The following KCNIP1 variants were observed in gnomAD, a reference collection of about 807,000 sequenced individuals.
KCNIP1 encodes the protein A-type potassium channel modulatory protein KCNIP1.
A neutral mutation model predicts 33.0 loss-of-function variants in KCNIP1; 18 were observed. That is an observed-to-expected ratio of 0.55 (90% CI 0.38 to 0.81). The LOEUF (loss-of-function observed/expected upper bound fraction) is 0.81, where lower values mean the gene tolerates loss of function less well. Among genes scored for constraint, KCNIP1 ranks in the 30% least tolerant of loss-of-function variants. The pLI is 0.00. For synonymous variants in KCNIP1, 93 were observed against 98.3 expected (o/e 0.95, Z 0.32); for missense variants, 238 against 271.6 (o/e 0.88, Z 0.87).
upstream of KCNIP1, among the ~76,000 whole-genome samples, chr5:170,503,008 T>G (rs746473358): frequency 1.3e-5 from 2 of 152,084 alleles, no homozygotes; most frequent in Non-Finnish European, 2.9e-5. Context: ...CTTCAAGCAC[T>G]AACAACCCGT....
intron 1 of KCNIP1, among the ~76,000 whole-genome samples, chr5:170,487,535 T>G (rs923694657): frequency 1.3e-5 from 2 of 151,878 alleles, no homozygotes; most frequent in Non-Finnish European, 2.9e-5. Flanking sequence ...TTTTTTTTTT[T>G]TTTTAAGACA....
chr5:170,474,859 T>A (rs1756816919), intron 1 of KCNIP1, among the ~76,000 whole-genome samples: 1 of 152,130 alleles, frequency 6.6e-6, no homozygotes, highest in East Asian at 1.9e-4. Flanking sequence ...CAGCAAGATT[T>A]TTTGTGAAGA....
At chr5:170,390,224 G>C (rs941273330) in intron 1 of KCNIP1, among the ~76,000 whole-genome samples, 1 of 152,126 alleles carries the variant, frequency 6.6e-6, no homozygotes, top group African/African-American at 2.4e-5. Flanking sequence ...CAGCAACAAA[G>C]GGCAGGCACA....
At chr5:170,700,959 CACA>C (rs1404388439) in intron 1 of KCNIP1, among the ~76,000 whole-genome samples, 3 of 152,316 alleles carry the variant, frequency 2.0e-5, no homozygotes, top group South Asian at 4.1e-4. Context: ...TTACAATAAA[CACA>C]ACAACAAAAC....
At chr5:170,664,560 T>G (rs10042719) in intron 1 of KCNIP1, among the ~76,000 whole-genome samples, 2 of 151,920 alleles carry the variant, frequency 1.3e-5, no homozygotes, top group African/African-American at 4.8e-5. Flanking sequence ...ATCCACCCGC[T>G]TCAGCCTTTC....
chr5:170,722,106 G>A (rs1455402392), intron 4 of KCNIP1, among the ~76,000 whole-genome samples: 1 of 152,154 alleles, frequency 6.6e-6, no homozygotes, highest in Non-Finnish European at 1.5e-5. Context: ...AGGGACTCAG[G>A]GGACTAATAA....
intron 1 of KCNIP1, among the ~76,000 whole-genome samples, chr5:170,707,337 C>T (rs549635399): frequency 2.8e-4 from 42 of 152,220 alleles, no homozygotes; most frequent in Non-Finnish European, 1.9e-4. Context: ...GGTGAGGGCA[C>T]GTGAGAGTCC....
intron 1 of KCNIP1, among the ~76,000 whole-genome samples, chr5:170,682,823 T>G (rs1181325271): frequency 1.7e-5 from 2 of 120,756 alleles, no homozygotes; most frequent in African/African-American, 6.4e-5. Context: ...GAGACAGGGT[T>G]TCACCATGTT....
At chr5:170,666,319 T>C (rs899240850) in intron 1 of KCNIP1, among the ~76,000 whole-genome samples, 4 of 152,244 alleles carry the variant, frequency 2.6e-5, no homozygotes, top group South Asian at 2.1e-4. Context: ...TTGGGTTTTG[T>C]GTGTGTTTGC....
chr5:170,451,755 G>GTGTGTGTA (rs1756258375), intron 1 of KCNIP1, among the ~76,000 whole-genome samples: 2 of 151,356 alleles, frequency 1.3e-5, no homozygotes, highest in Admixed American at 6.6e-5. Context: ...GTGTGTGTGT[G>GTGTGTGTA]TGTGTGTGTG....
At chr5:170,442,913 A>G (rs1239722244) in intron 1 of KCNIP1, among the ~76,000 whole-genome samples, 4 of 152,170 alleles carry the variant, frequency 2.6e-5, no homozygotes, top group African/African-American at 9.7e-5. Context: ...ACAATCCCAG[A>G]AAACAGGCCT....
intron 1 of KCNIP1, among the ~76,000 whole-genome samples, chr5:170,604,814 G>GC (rs1262806246): frequency 6.6e-6 from 1 of 152,156 alleles, no homozygotes; most frequent in East Asian, 1.9e-4. Flanking sequence ...GACAGGTTCA[G>GC]CCCCCCCAGG....
At chr5:170,664,769 G>A (rs1761640919) in intron 1 of KCNIP1, among the ~76,000 whole-genome samples, 1 of 152,180 alleles carries the variant, frequency 6.6e-6, no homozygotes, top group African/African-American at 2.4e-5. Context: ...ACATCTAGTA[G>A]TGATAAATAC....
intron 1 of KCNIP1, among the ~76,000 whole-genome samples, chr5:170,655,496 T>C (rs1761224245): frequency 6.6e-6 from 1 of 152,204 alleles, no homozygotes; most frequent in Non-Finnish European, 1.5e-5. Context: ...GTTTATGATG[T>C]GGTTCCCGCC....
chr5:170,518,746 C>T (rs1755246402), intron 1 of KCNIP1, among the ~76,000 whole-genome samples: 1 of 152,170 alleles, frequency 6.6e-6, no homozygotes, highest in South Asian at 2.1e-4. Flanking sequence ...GGCCCTTGTA[C>T]CCACCACTTT....
chr5:170,583,077 T>A (rs1171582289), intron 1 of KCNIP1, among the ~76,000 whole-genome samples: 2 of 152,148 alleles, frequency 1.3e-5, no homozygotes, highest in African/African-American at 2.4e-5. Flanking sequence ...GCTTTCACTC[T>A]CCTAATGGAG....
chr5:170,417,364 A>T (rs1160634368), intron 1 of KCNIP1, among the ~76,000 whole-genome samples: 1 of 152,252 alleles, frequency 6.6e-6, no homozygotes, highest in East Asian at 1.9e-4. Context: ...ACTCAATAAA[A>T]GTTATTGAGT....
At chr5:170,669,221 T>C (rs1761826075) in intron 1 of KCNIP1, among the ~76,000 whole-genome samples, 1 of 152,232 alleles carries the variant, frequency 6.6e-6, no homozygotes, top group Non-Finnish European at 1.5e-5. Flanking sequence ...GATTACTCTT[T>C]CTAGCTCAGC....
At chr5:170,717,700 T>G (rs1263574016) in intron 1 of KCNIP1, among the ~76,000 whole-genome samples, 2 of 152,322 alleles carry the variant, frequency 1.3e-5, no homozygotes, top group Non-Finnish European at 2.9e-5. Context: ...TTAATACACC[T>G]GCTCACCTGA....
Sources: allele counts gnomAD v4.1 joint callset (sites outside exome capture counted in the v4.1 genomes callset), GRCh38; gene constraint gnomAD v4.1.1; transcripts MANE v1.5; gene names NCBI Gene and HGNC (gene_info 2026-07-23, HGNC 2026-07-21).